The following NAV2 variants were observed in gnomAD, a reference collection of about 807,000 sequenced individuals.
The protein encoded by NAV2 is helicase, APC down-regulated 1.
NAV2 carries 54 observed loss-of-function variants against 223.2 expected under a neutral mutation model. The ratio of observed to expected loss-of-function variants is 0.24; its 90% CI spans 0.19 to 0.30. The LOEUF is 0.30. NAV2 is among the 10% of genes least tolerant of loss of function. NAV2 has a pLI of 1.00. For synonymous variants in NAV2, 1,279 were observed against 1,239.3 expected (o/e 1.03, Z -0.67); for missense variants, 2,806 against 3,147.5 (o/e 0.89, Z 2.60).
At chr11:19,477,154 G>T (rs1021232710) in intron 1 of NAV2, among the ~76,000 whole-genome samples, 1 of 152,110 alleles carries the variant, frequency 6.6e-6, no homozygotes, top group South Asian at 2.1e-4. Flanking sequence ...GTAAAGTCAG[G>T]TTCTCAGGCA....
At chr11:19,589,947 C>G (rs1020999958) in intron 1 of NAV2, among the ~76,000 whole-genome samples, 2 of 152,162 alleles carry the variant, frequency 1.3e-5, no homozygotes, top group Non-Finnish European at 2.9e-5. Context: ...CTGAGCTCAC[C>G]GTGGGGCCTG....
At chr11:19,613,172 CCACAA>C (rs2046691970) in intron 1 of NAV2, among the ~76,000 whole-genome samples, 2 of 152,208 alleles carry the variant, frequency 1.3e-5, no homozygotes, top group South Asian at 4.2e-4. Flanking sequence ...TGGGTCTCTC[CCACAA>C]CACTTGGGAA....
chr11:19,651,479 C>A (rs890865995), intron 1 of NAV2, among the ~76,000 whole-genome samples: 4 of 152,222 alleles, frequency 2.6e-5, no homozygotes, highest in African/African-American at 9.6e-5. Context: ...TCACTGCACA[C>A]CCCACCGGGC....
At chr11:19,838,717 G>A (rs529978869) in intron 2 of NAV2, among the ~76,000 whole-genome samples, 15 of 152,246 alleles carry the variant, frequency 9.9e-5, no homozygotes, top group Middle Eastern at 3.4e-3. Flanking sequence ...TCTGCCTCCC[G>A]GGTTCAAGCA....
At position 19,933,514 on chromosome 11, in the gene NAV2, G is replaced by T; in HGVS notation, c.1270G>T (p.Asp424Tyr). The T allele has an allele frequency of 6.2e-7, 1 of 1,610,628 alleles. No homozygotes were observed. The highest frequency in any genetic ancestry group is 8.5e-7 in the Non-Finnish European group (1 of 1,178,510). ...GGCAGGTGAGGGGCCGGGGTCCCGG[G>T]ACACAAGCTGTGAGCGGCTGGAGAC... ...SKAGEGPGSR[D>Y]TSCERLETLP... Residue 424 changes from aspartate (D) to tyrosine (Y), a missense_variant, in exon 7 of 38, where the codon GAC becomes TAC. This residue lies in a region of NAV2 where 1,167 missense variants were observed against 1,180.5 expected (regional missense o/e 0.99). Coordinates refer to ENST00000349880, the MANE Select transcript of NAV2 (RefSeq NM_145117.5). This position sits in a 1 kb window ranked among gnomAD's most constrained non-coding sequence, Gnocchi z 4.3.
chr11:20,117,994 G>A, intron 37 of NAV2, 139 bp from the exon 38 acceptor site: 1 of 920,190 alleles, frequency 1.1e-6, no homozygotes, highest in Non-Finnish European at 1.6e-6. Flanking sequence ...CTGGCCCAAA[G>A]TCCATGTTCT....
chr11:19,884,462 G>T, intron 5 of NAV2: 1 of 965,774 alleles, frequency 1.0e-6, no homozygotes. Flanking sequence ...TCCTCTCCTC[G>T]TTTCATGTTT....
At chr11:19,538,612 C>T (rs1327407236) in intron 1 of NAV2, among the ~76,000 whole-genome samples, 1 of 152,020 alleles carries the variant, frequency 6.6e-6, no homozygotes, top group Non-Finnish European at 1.5e-5. Context: ...CCTCAGGCTC[C>T]CAAAGTGCTG....
chr11:19,949,167 TGGA>T lies in NAV2; in HGVS notation c.2645+93_2645+95del, dbSNP rs1383904727. On this transcript the variant is annotated intron_variant, in intron 10 of 37. Coordinates refer to ENST00000349880, the MANE Select transcript of NAV2 (RefSeq NM_145117.5). ...TTTGTAGGGCTCTATTTGATTCTTC[TGGA>T]GGAGGTCAAACTGCCCACCTGAGTT... The T allele has an allele frequency of 1.8e-5, 25 of 1,428,524 alleles. No individual in the cohort carries two copies. In the South Asian group the frequency reaches 3.6e-4, roughly 21 times the overall value. The allele number at this position is 1,428,524 out of a possible 1,614,324, so 88.5% of individuals were successfully genotyped here.
At chr11:19,956,462 A>C (rs1397751374) in intron 10 of NAV2, among the ~76,000 whole-genome samples, 3 of 151,896 alleles carry the variant, frequency 2.0e-5, no homozygotes, top group African/African-American at 4.8e-5. Flanking sequence ...GGTTACCCAC[A>C]CTTCTGTCCA....
rs77113532 is a variant in NAV2, at chr11:19,448,899, C to T, written c.75+97872C>T. 8.5e-3 allele frequency among the ~76,000 whole-genome samples: 1,292 copies of T among 152,286 alleles called. 18 individuals are homozygous for T. The highest frequency in any genetic ancestry group is 0.029 in the African/African-American group (1,224 of 41,548). On this transcript the variant is annotated intron_variant, in intron 1 of 37. Transcript: ENST00000360655. ...AGAGGAGAGCCAGAAAGTCAATGTG[C>T]TCTCTAAGAGTGATTGCTAAGGAAA...
At chr11:19,458,044 C>T (rs1345225839) in intron 1 of NAV2, among the ~76,000 whole-genome samples, 2 of 152,204 alleles carry the variant, frequency 1.3e-5, no homozygotes, top group Non-Finnish European at 2.9e-5. Context: ...TGGTCCCCCT[C>T]CTATGATGGT....
intron 1 of NAV2, among the ~76,000 whole-genome samples, chr11:19,581,896 G>C (rs1437234546): frequency 6.6e-6 from 1 of 152,100 alleles, no homozygotes; most frequent in Non-Finnish European, 1.5e-5. Context: ...GGGATGGCTG[G>C]GTCAAATGGT....
intron 32 of NAV2, among the ~76,000 whole-genome samples, chr11:20,102,735 G>A (rs1309666600): frequency 6.6e-6 from 1 of 152,068 alleles, no homozygotes; most frequent in East Asian, 1.9e-4. Context: ...CAGGCATGCA[G>A]GGCTGTGTTC....
rs1325227633 is a variant in NAV2, at chr11:20,093,221, G to A, written c.5916+22G>A. On this transcript the variant is annotated intron_variant, in intron 29 of 37. Transcript: ENST00000349880. The stretch of plus-strand genomic sequence containing the variant: ...GGAGGTTAGTTGGATCCCTTTCCCT[G>A]CTTTGCCTGTCCCTCCCCCAGGTAG... The A allele has an allele frequency of 1.3e-6, 2 of 1,522,930 alleles. 1 individual carries two copies. Among genetic ancestry groups the A allele is most frequent in the South Asian group, 2.3e-5 (2 of 88,860 alleles). The allele number at this position is 1,522,930 out of a possible 1,614,324, so 94.3% of individuals were successfully genotyped here.
At chr11:20,094,223 C>CTTTTTTTTTTTTTTT (rs61099684) in intron 29 of NAV2, among the ~76,000 whole-genome samples, 1 of 88,520 alleles carries the variant, frequency 1.1e-5, no homozygotes, top group Non-Finnish European at 2.0e-5. Flanking sequence ...TTTTCTTTAT[C>CTTTTTTTTTTTTTTT]TTTTTTTTTT....
At chr11:20,044,916 T>G (rs1302834675) in intron 13 of NAV2, 52 bp from the exon 14 acceptor site, 18 of 1,480,442 alleles carry the variant, frequency 1.2e-5, no homozygotes, top group Non-Finnish European at 1.6e-5. Context: ...ACAGACGAGA[T>G]GGATGAGCTG....
chr11:19,543,386 G>T (rs961275044), intron 1 of NAV2, among the ~76,000 whole-genome samples: 1 of 152,142 alleles, frequency 6.6e-6, no homozygotes, highest in South Asian at 2.1e-4. Context: ...GTCAACCAAC[G>T]TAACAGTAAT....
chr11:19,645,406 C>T (rs1443272372), intron 1 of NAV2, among the ~76,000 whole-genome samples: 1 of 152,150 alleles, frequency 6.6e-6, no homozygotes, highest in East Asian at 1.9e-4. Context: ...GTGCAAAGTC[C>T]TTTTTACCAT....
Sources: allele counts gnomAD v4.1 joint callset (sites outside exome capture counted in the v4.1 genomes callset), GRCh38; gene constraint gnomAD v4.1.1; regional missense constraint gnomAD v4.1.1; non-coding constraint Gnocchi (gnomAD v3.1); transcripts MANE v1.5; gene names NCBI Gene and HGNC (gene_info 2026-07-23, HGNC 2026-07-21).